TMEM126B: variants seen among roughly 807,000 people sequenced by gnomAD.
TMEM126B encodes transmembrane protein 126B, also known as complex I assembly factor TMEM126B, mitochondrial.
In TMEM126B, 19 loss-of-function variants were observed where a neutral mutation model predicts 16.5. The observed-to-expected ratio is 1.15, with a 90% confidence interval of 0.80 to 1.69. The LOEUF is 1.69. Among genes scored for constraint, TMEM126B ranks in the 40% most tolerant of loss-of-function variants. The pLI is 0.00. For missense variants in TMEM126B, 293 were observed against 278.7 expected, an observed-to-expected ratio of 1.05 and a Z score of -0.37; for synonymous variants, 104 against 93.2, an observed-to-expected ratio of 1.12 and a Z score of -0.67.
chr11:85,629,977 ATAAGAAGG>A (rs2082246926), intron 1 of TMEM126B, among the ~76,000 whole-genome samples: 1 of 152,236 alleles, frequency 6.6e-6, no homozygotes, highest in Non-Finnish European at 1.5e-5. Context: ...GTGTAACACC[ATAAGAAGG>A]TTCAAAGGAG....
chr11:85,635,983 A>C, intron 4 of TMEM126B, 63 bp from the exon 5 acceptor site: 3 of 1,482,712 alleles, frequency 2.0e-6, no homozygotes, highest in Non-Finnish European at 2.7e-6. Flanking sequence ...ATTTAGGAGA[A>C]GTCAACAAAC....
At position 85,636,106 on chromosome 11, in the gene TMEM126B, T is replaced by TCAAA. The variant is rs754938367; in HGVS notation, c.573_576dup (p.Gln193AsnfsTer29). 6.2e-7 allele frequency: 1 copy of TCAAA among 1,612,832 alleles called. No individual in the cohort carries two copies. Among genetic ancestry groups the TCAAA allele is most frequent in the South Asian group, 1.1e-5 (1 of 90,846 alleles). On this transcript the variant is annotated frameshift_variant, in exon 5 of 5. Transcript: ENST00000358867. LOFTEE classifies it low-confidence loss of function (END_TRUNC). ...TTTTAATCCATTGGATGACGCTTTG[T>TCAAA]CAAACACAAATGAAATTAATGGCGA...
chr11:85,635,821 C>CTTTTTTTTT (rs58671332), intron 4 of TMEM126B, 43 bp downstream of exon 4: 103 of 869,450 alleles, frequency 1.2e-4, no homozygotes, highest in East Asian at 4.0e-4. Flanking sequence ...CTTTTCTTTT[C>CTTTTTTTTT]TTTTTTTTTT....
chr11:85,630,603 A>G (rs2082277309), intron 1 of TMEM126B, among the ~76,000 whole-genome samples: 2 of 152,188 alleles, frequency 1.3e-5, no homozygotes, highest in South Asian at 2.1e-4. Context: ...ATCCTCTCTG[A>G]GAGTGCAGGG....
rs780005318 is a variant in TMEM126B, at chr11:85,636,280, G to A, written c.*51G>A. The A allele has an allele frequency of 3.1e-5, 41 of 1,312,546 alleles. No individual in the cohort carries two copies. Among genetic ancestry groups the A allele is most frequent in the Non-Finnish European group, 3.3e-5 (33 of 998,786 alleles). 81.3% of individuals were successfully genotyped at this position (1,312,546 alleles called of 1,614,324 possible). A position where few individuals can be genotyped will look rare whatever the true frequency, so the allele number is the denominator to read the frequency against. On this transcript the variant is annotated 3_prime_UTR_variant, in exon 5 of 5. Coordinates refer to ENST00000358867, the MANE Select transcript of TMEM126B (RefSeq NM_018480.7). ...TAGCAAAATGAAGTTTCTATAAAGA[G>A]GACTCAGGCATTGCTGAAAGAGTTA...
At chr11:85,635,603 G>A (rs2082382995) in intron 3 of TMEM126B, 64 bp from the exon 4 acceptor site, 1 of 1,100,956 alleles carries the variant, frequency 9.1e-7, no homozygotes, top group Non-Finnish European at 1.4e-6. Flanking sequence ...ACTCTGTGAG[G>A]TACAACACTG....
intron 1 of TMEM126B, chr11:85,629,405 G>T: frequency 2.2e-6 from 1 of 448,968 alleles, no homozygotes; most frequent in Non-Finnish European, 4.0e-6. Flanking sequence ...TAGTTGAGTG[G>T]CCTTAAGGGG....
chr11:85,636,016 G>A (rs746495849), intron 4 of TMEM126B, 30 bp from the exon 5 acceptor site: 1 of 1,533,426 alleles, frequency 6.5e-7, no homozygotes, highest in Admixed American at 2.2e-5. Context: ...TCATATCCAG[G>A]AGAGGTGATT....
chr11:85,632,676 T>C (rs1455069082), intron 2 of TMEM126B, among the ~76,000 whole-genome samples: 2 of 152,158 alleles, frequency 1.3e-5, no homozygotes, highest in Admixed American at 6.5e-5. Flanking sequence ...TTGACATTCA[T>C]CCATTTAAAG....
At chr11:85,631,836 A>G in intron 2 of TMEM126B, 28 bp downstream of exon 2, 1 of 1,584,556 alleles carries the variant, frequency 6.3e-7, no homozygotes, top group South Asian at 1.2e-5. Context: ...GCTGAAAATC[A>G]GTCATTTTAT....
chr11:85,630,785 C>T (rs917054102), intron 1 of TMEM126B, among the ~76,000 whole-genome samples: 4 of 152,136 alleles, frequency 2.6e-5, no homozygotes, highest in African/African-American at 9.7e-5. Flanking sequence ...TCTCTGGGGC[C>T]GGGCACGGTG....
intron 1 of TMEM126B, among the ~76,000 whole-genome samples, chr11:85,629,570 G>A (rs2082218127): frequency 6.6e-6 from 1 of 152,178 alleles, no homozygotes; most frequent in Non-Finnish European, 1.5e-5. Flanking sequence ...TTAGGGTGTA[G>A]ACTAGGTAGG....
chr11:85,633,085 G>C (rs1205719961), intron 2 of TMEM126B, among the ~76,000 whole-genome samples: 3 of 152,174 alleles, frequency 2.0e-5, no homozygotes, highest in African/African-American at 7.2e-5. Context: ...AGTTTACTGA[G>C]AATGATGATT....
chr11:85,630,305 T>C (rs2082266553), intron 1 of TMEM126B, among the ~76,000 whole-genome samples: 1 of 152,258 alleles, frequency 6.6e-6, no homozygotes, highest in Non-Finnish European at 1.5e-5. Flanking sequence ...GTGTGTTCAT[T>C]ATGCTTTATC....
intron 4 of TMEM126B, 43 bp downstream of exon 4, chr11:85,635,821 C>CTTTTTTTTTTTTTTTTTTTTTTTTT (rs58671332): frequency 1.1e-4 from 98 of 869,550 alleles, no homozygotes; most frequent in South Asian, 3.9e-4. Flanking sequence ...CTTTTCTTTT[C>CTTTTTTTTTTTTTTTTTTTTTTTTT]TTTTTTTTTT....
rs749209489 is a variant in TMEM126B, at chr11:85,636,324, T to C, written c.*95T>C. The C allele has an allele frequency of 5.4e-5, 49 of 915,240 alleles. No individual in the cohort carries two copies. The highest frequency in any genetic ancestry group is 7.5e-5 in the Non-Finnish European group (49 of 654,356). 56.7% of individuals were successfully genotyped at this position (915,240 alleles called of 1,614,324 possible). On this transcript the variant is annotated 3_prime_UTR_variant, in exon 5 of 5. Coordinates refer to ENST00000358867, the MANE Select transcript of TMEM126B (RefSeq NM_018480.7). ...AGAGTTAAAAGTAACTGTGAACAAA[T>C]AATTTGTTCTGTGCCTTTTGCCTGG... is the stretch of plus-strand genomic sequence containing the variant.
At chr11:85,634,642 ATCT>A (rs1304728743) in intron 3 of TMEM126B, 9 of 191,134 alleles carry the variant, frequency 4.7e-5, no homozygotes, top group Admixed American at 1.2e-4. Flanking sequence ...CCGTTGTCTT[ATCT>A]ATAAGTTAGG....
Position 85,636,207 on chromosome 11 carries a change from A to G in TMEM126B, c.671A>G (p.Glu224Gly). The G allele has an allele frequency of 1.9e-6, 3 of 1,545,858 alleles. No homozygotes were observed. The highest frequency in any genetic ancestry group is 1.2e-5 in the South Asian group (1 of 80,310). The stretch of plus-strand genomic sequence containing the variant: ...TATGCAGTATTTGAAGAGACACTTG[A>G]GAAAACTATACATGAAGAGTAACCA... The part of the protein sequence containing the change: ...YHYAVFEETL[E>G]KTIHEE The change falls in exon 5 of 5, where the codon GAG becomes GGG. Residue 224 changes from glutamate (E) to glycine (G), a missense_variant. Glu to Gly is a moderately conservative substitution (Grantham distance 98). Coordinates refer to ENST00000358867, the MANE Select transcript of TMEM126B (RefSeq NM_018480.7).
chr11:85,636,296 G>A lies in TMEM126B; in HGVS notation c.*67G>A. On this transcript the variant is annotated 3_prime_UTR_variant, in exon 5 of 5. Transcript: ENST00000358867. ...CTATAAAGAGGACTCAGGCATTGCT[G>A]AAAGAGTTAAAAGTAACTGTGAACA... 8.3e-7 allele frequency: 1 copy of A among 1,200,580 alleles called. No individual in the cohort carries two copies. Among genetic ancestry groups the A allele is most frequent in the East Asian group, 2.7e-5 (1 of 37,292 alleles). 74.4% of individuals were successfully genotyped at this position (1,200,580 alleles called of 1,614,324 possible). A position where few individuals can be genotyped will look rare whatever the true frequency, so the allele number is the denominator to read the frequency against.
Sources: allele counts gnomAD v4.1 joint callset (sites outside exome capture counted in the v4.1 genomes callset), GRCh38; gene constraint gnomAD v4.1.1; transcripts MANE v1.5; gene names NCBI Gene and HGNC (gene_info 2026-07-23, HGNC 2026-07-21).